Variants in SHROOM2 observed in about 807,000 individuals in gnomAD.
The protein encoded by SHROOM2 is protein Shroom2.
In SHROOM2, 33 loss-of-function variants were observed where a neutral mutation model predicts 75.9. The observed-to-expected ratio is 0.43, with a 90% CI of 0.33 to 0.58. The LOEUF is 0.58. Among genes scored for constraint, SHROOM2 ranks in the 20% least tolerant of loss-of-function variants. The pLI, the probability that SHROOM2 is intolerant of heterozygous loss-of-function variation, is 0.04. For missense variants in SHROOM2, 1,434 were observed against 1,461.2 expected (o/e 0.98, Z 0.30); for synonymous variants, 655 against 663.6 (o/e 0.99, Z 0.20).
At position 9,786,437 on chromosome X, in the gene SHROOM2, TC is replaced by T. The variant is rs1183556516; in HGVS notation, c.-107del. ...TCCGCCGCCGGGCCGGCACTTTCTT[TC>T]CAAGTTACGGCGCAAGTTCTGCGGC... On this transcript the variant is annotated 5_prime_UTR_variant, in exon 1 of 10. Transcript: ENST00000380913. The T allele has an allele frequency of 3.1e-6, 2 of 636,479 alleles. No homozygotes were observed. The highest frequency in any genetic ancestry group is 4.8e-5 in the African/African-American group (2 of 41,267). The allele number at this position is 636,479 out of a possible 1,213,427, so 52.5% of individuals were successfully genotyped here. A position where few individuals can be genotyped will look rare whatever the true frequency, so the allele number is the denominator to read the frequency against.
chrX:9,851,673 C>T (rs1263567986), intron 1 of SHROOM2, among the ~76,000 whole-genome samples: 2 of 104,354 alleles, frequency 1.9e-5, no homozygotes, highest in Non-Finnish European at 3.9e-5. Context: ...GCTGTGTTGC[C>T]CAGGCTGGTC....
intron 1 of SHROOM2, among the ~76,000 whole-genome samples, chrX:9,847,838 C>T (rs753030007): frequency 8.9e-6 from 1 of 112,081 alleles, no homozygotes; most frequent in Non-Finnish European, 1.9e-5. Flanking sequence ...GTCCTTTTCT[C>T]GTGATTTTTT....
At chrX:9,898,137 T>G in intron 4 of SHROOM2, 53 bp from the exon 5 acceptor site, 1 of 1,002,620 alleles carries the variant, frequency 1.0e-6, no homozygotes, top group Non-Finnish European at 1.4e-6. Flanking sequence ...ATCACAGATG[T>G]CCTGAGGAAG....
intron 1 of SHROOM2, among the ~76,000 whole-genome samples, chrX:9,807,427 C>G (rs925373409): frequency 1.8e-5 from 2 of 112,058 alleles, no homozygotes; most frequent in Admixed American, 1.9e-4. Flanking sequence ...CTGAGGGGAC[C>G]TGTTGGGAGG....
rs1678225751 is a variant in SHROOM2 at position 9,818,913 on chromosome X, C to G, written c.165+32203C>G. ...GAGCTTCCTCAGTTGTATCTTCCCC[C>G]CAGTCATCCTCCTCTTCTTCCACTG... On this transcript the variant is annotated intron_variant, in intron 1 of 9. Transcript: ENST00000380913. The G allele has an allele frequency of 5.5e-6, 3 of 548,775 alleles. No homozygotes were observed. The Admixed American group carries it at 7.2e-5, about 13-fold the overall frequency. 45.2% of individuals were successfully genotyped at this position (548,775 alleles called of 1,213,427 possible).
chrX:9,911,720 C>G (rs2084427867), intron 5 of SHROOM2, among the ~76,000 whole-genome samples: 1 of 111,673 alleles, frequency 9.0e-6, no homozygotes, highest in Admixed American at 9.5e-5. Flanking sequence ...TGCACACACT[C>G]AAAGTTCCGG....
intron 1 of SHROOM2, among the ~76,000 whole-genome samples, chrX:9,807,588 C>T (rs752224917): frequency 5.3e-5 from 6 of 112,333 alleles, no homozygotes; most frequent in Non-Finnish European, 1.1e-4. Flanking sequence ...AAATAAAACC[C>T]GAGTTCAGGA....
At chrX:9,866,495 G>T (rs1190945152) in intron 1 of SHROOM2, among the ~76,000 whole-genome samples, 8 of 110,344 alleles carry the variant, frequency 7.3e-5, no homozygotes, top group Admixed American at 3.9e-4. Flanking sequence ...CCCTCAAGCT[G>T]AAAACCCTGC....
At chrX:9,837,800 TTGTG>T (rs2083955104) in intron 1 of SHROOM2, among the ~76,000 whole-genome samples, 1 of 111,146 alleles carries the variant, frequency 9.0e-6, no homozygotes, top group Non-Finnish European at 1.9e-5. Flanking sequence ...GGCTCAGTGT[TTGTG>T]TGCCTGGCCA....
intron 1 of SHROOM2, among the ~76,000 whole-genome samples, chrX:9,833,982 G>C (rs2070286969): frequency 9.0e-6 from 1 of 110,609 alleles, no homozygotes; most frequent in African/African-American, 3.3e-5. Flanking sequence ...CCTCGCTGAG[G>C]TTCCCATCTA....
chrX:9,937,809 G>A, intron 7 of SHROOM2, 124 bp downstream of exon 7: 1 of 621,321 alleles, frequency 1.6e-6, no homozygotes, highest in Non-Finnish European at 2.4e-6. Context: ...TTTTCATAAG[G>A]GCTCCTCGAT....
rs772394436 is a variant in SHROOM2, at chrX:9,937,266, C to T, written c.3720C>T (p.His1240=). 4.1e-6 allele frequency: 5 copies of T among 1,210,502 alleles called. No individual in the cohort carries two copies. The Admixed American group carries it at 6.5e-5, about 16-fold the overall frequency. Residue 1240 remains histidine, a synonymous_variant, in exon 7 of 10, where the codon CAC becomes CAT. Transcript: ENST00000380913. ...CCGCCGAGCCACCTGCCCTGCCCCA[C>T]GGGCTGGAGAAAGACCAGATCAAGA... is the stretch of plus-strand genomic sequence containing the variant. ...ACPAEPPALP[H]GLEKDQIKTL...
At chrX:9,884,368 C>CTTCTTTTTTT (rs1372366663) in intron 2 of SHROOM2, among the ~76,000 whole-genome samples, 7 of 62,291 alleles carry the variant, frequency 1.1e-4, no homozygotes, top group African/African-American at 3.4e-4. Flanking sequence ...TTTTTCTTTT[C>CTTCTTTTTTT]TTTTTTTTTT....
rs58508176 is a variant in SHROOM2, at chrX:9,799,157, C to CTTTTTTT, written c.165+12469_165+12475dup. 7.0e-4 allele frequency among the ~76,000 whole-genome samples: 43 copies of CTTTTTTT among 61,382 alleles called. 6 individuals are homozygous for CTTTTTTT. The highest frequency in any genetic ancestry group is 3.2e-3 in the African/African-American group (36 of 11,343). 53.3% of individuals were successfully genotyped at this position (61,382 alleles called of 115,157 possible). A position where few individuals can be genotyped will look rare whatever the true frequency, so the allele number is the denominator to read the frequency against. On this transcript the variant is annotated intron_variant, in intron 1 of 9. Transcript: ENST00000380913. The stretch of plus-strand genomic sequence containing the variant: ...GTTTGCCTTTACGGAGAGTTTAATT[C>CTTTTTTT]TTTTTTTTTTTTTTTTTTTTTTTTT...
intron 1 of SHROOM2, among the ~76,000 whole-genome samples, chrX:9,848,356 T>C (rs1427880005): frequency 1.0e-5 from 1 of 97,478 alleles, no homozygotes; most frequent in African/African-American, 3.8e-5. Flanking sequence ...TACAAAAAAT[T>C]AGCCGGGCGC....
At chrX:9,918,093 C>T (rs750365539) in intron 5 of SHROOM2, among the ~76,000 whole-genome samples, 1 of 111,534 alleles carries the variant, frequency 9.0e-6, no homozygotes, top group Non-Finnish European at 1.9e-5. Flanking sequence ...TTTTAATCAC[C>T]GCTAGGATCA....
At chrX:9,840,878 A>G (rs1294681816) in intron 1 of SHROOM2, among the ~76,000 whole-genome samples, 2 of 112,685 alleles carry the variant, frequency 1.8e-5, no homozygotes, top group Non-Finnish European at 3.7e-5. Context: ...TTAAGAAAGC[A>G]GATAAATGTT....
intron 1 of SHROOM2, among the ~76,000 whole-genome samples, chrX:9,787,462 AGTCACCCTGT>A (rs2083621416): frequency 8.9e-6 from 1 of 112,677 alleles, no homozygotes; most frequent in Non-Finnish European, 1.9e-5. Flanking sequence ...ACAACAGTCC[AGTCACCCTGT>A]GTTCTAGTTA....
chrX:9,860,345 C>T (rs1413685338), intron 1 of SHROOM2, among the ~76,000 whole-genome samples: 1 of 112,061 alleles, frequency 8.9e-6, no homozygotes, highest in East Asian at 2.8e-4. Context: ...ACAGATGGTC[C>T]TGGTATGCAC....
Sources: allele counts gnomAD v4.1 joint callset (sites outside exome capture counted in the v4.1 genomes callset), GRCh38; gene constraint gnomAD v4.1.1; transcripts MANE v1.5; gene names NCBI Gene and HGNC (gene_info 2026-07-23, HGNC 2026-07-21).